Variants in MAP3K20 observed in about 807,000 individuals in gnomAD.
MAP3K20 encodes the protein mitogen-activated protein kinase kinase kinase 20.
A neutral mutation model predicts 85.7 loss-of-function variants in MAP3K20; 40 were observed. The observed-to-expected ratio is 0.47, with a 90% CI of 0.36 to 0.61. The LOEUF (loss-of-function observed/expected upper bound fraction) is 0.61. MAP3K20 is among the 20% of genes least tolerant of loss of function. MAP3K20 has a pLI of 0.00. For missense variants in MAP3K20, 817 were observed against 961.7 expected, an observed-to-expected ratio of 0.85 and a Z score of 1.99; for synonymous variants, 325 against 327.7, an observed-to-expected ratio of 0.99 and a Z score of 0.09.
At position 173,221,557 on chromosome 2, in the gene MAP3K20, C is replaced by T. The variant is rs74417392; in HGVS notation, c.987+4307C>T. 311,302 of 1,470,356 alleles carry T rather than the reference C, an allele frequency of 0.21. 34,102 individuals are homozygous for T. Among genetic ancestry groups the T allele is most frequent in the South Asian group, 0.32 (22,427 of 70,280 alleles). 91.1% of individuals were successfully genotyped at this position (1,470,356 alleles called of 1,614,324 possible). On this transcript the variant is annotated intron_variant, in intron 11 of 19. Transcript: ENST00000375213. ...AGCAGAAAGCAAAGTAATAAAATCACAAATGTTTGGAAAACACAAAAGTAA... is the reference window on the plus strand; with the variant it reads ...AGCAGAAAGCAAAGTAATAAAATCATAAATGTTTGGAAAACACAAAAGTAA...
At chr2:173,234,733 G>A (rs956178934) in intron 14 of MAP3K20, among the ~76,000 whole-genome samples, 1 of 152,176 alleles carries the variant, frequency 6.6e-6, no homozygotes, top group East Asian at 1.9e-4. Flanking sequence ...TGCAGAACAC[G>A]GGTGATGAGT....
chr2:173,212,808 A>AT (rs1316940894), intron 10 of MAP3K20: 3 of 151,710 alleles, frequency 2.0e-5, no homozygotes, highest in Admixed American at 1.3e-4. Flanking sequence ...AAAAAAAAAA[A>AT]AAAAAAAAGA....
intron 2 of MAP3K20, among the ~76,000 whole-genome samples, chr2:173,155,704 G>T (rs1343168327): frequency 6.6e-6 from 1 of 152,204 alleles, no homozygotes; most frequent in Non-Finnish European, 1.5e-5. Context: ...GAGATTGGTA[G>T]CATGGGGACT....
chr2:173,239,028 G>A lies in MAP3K20; in HGVS notation c.1267-376G>A, dbSNP rs115079519. On this transcript the variant is annotated intron_variant, in intron 15 of 19. Coordinates refer to ENST00000375213, the MANE Select transcript of MAP3K20 (RefSeq NM_016653.3). Reference sequence around the variant, plus strand: ...CACATTTGCATCCTCCATCCACTGCGTAATCCGTCTTTGGGAATAGCTTGT... The same window carrying A: ...CACATTTGCATCCTCCATCCACTGCATAATCCGTCTTTGGGAATAGCTTGT... 2.1e-3 allele frequency among the ~76,000 whole-genome samples: 317 copies of A among 152,232 alleles called. 2 individuals carry two copies. Among genetic ancestry groups the A allele is most frequent in the African/African-American group, 7.2e-3 (300 of 41,534 alleles).
chr2:173,205,092 G>A (rs1379994347), intron 9 of MAP3K20, among the ~76,000 whole-genome samples: 2 of 130,492 alleles, frequency 1.5e-5, no homozygotes, highest in East Asian at 2.4e-4. Context: ...GACAGAGCGA[G>A]ACTCTGTCTC....
At chr2:173,171,053 A>G (rs756024009) in intron 3 of MAP3K20, among the ~76,000 whole-genome samples, 1 of 152,136 alleles carries the variant, frequency 6.6e-6, no homozygotes, top group Non-Finnish European at 1.5e-5. Flanking sequence ...TTTTATCCCC[A>G]ATTCACTGTC....
chr2:173,183,068 G>T (rs191736189), intron 4 of MAP3K20, 113 bp downstream of exon 4: 381 of 795,752 alleles, frequency 4.8e-4, no homozygotes, highest in Admixed American at 8.9e-4. Context: ...TCTTTTTCCA[G>T]ACCAAAAGTA....
At chr2:173,226,694 CTACAT>C (rs1439828209) in intron 11 of MAP3K20, 1 of 985,630 alleles carries the variant, frequency 1.0e-6, no homozygotes, top group African/African-American at 1.7e-5. Flanking sequence ...TTCCAAGCAC[CTACAT>C]TAATTATTTT....
In MAP3K20 at chr2:173,093,742, A is replaced by G. The variant is rs528079240; in HGVS notation, c.159+2552A>G. On this transcript the variant is annotated intron_variant, in intron 2 of 19. Transcript: ENST00000375213. ...ATAGCAGAGACTTGGAACCAACCCA[A>G]ATGTCCAACAATGATAGACTGGATT... Among the ~76,000 whole-genome samples the G allele has an allele frequency of 4.9e-3, 745 of 152,192 alleles. 5 individuals carry two copies. The highest frequency in any genetic ancestry group is 0.014 in the Middle Eastern group (4 of 294).
intron 2 of MAP3K20, among the ~76,000 whole-genome samples, chr2:173,152,117 C>G (rs1689325161): frequency 6.6e-6 from 1 of 152,144 alleles, no homozygotes; most frequent in Non-Finnish European, 1.5e-5. Flanking sequence ...TTTTCTTCAT[C>G]TCTGGGCTCA....
At chr2:173,180,712 C>A (rs774599881) in intron 3 of MAP3K20, among the ~76,000 whole-genome samples, 68 of 151,876 alleles carry the variant, frequency 4.5e-4, no homozygotes, top group Non-Finnish European at 7.8e-4. Flanking sequence ...AAAATTAGAG[C>A]CACACCTCAG....
At chr2:173,089,071 T>C (rs540988108) in intron 1 of MAP3K20, among the ~76,000 whole-genome samples, 1 of 152,332 alleles carries the variant, frequency 6.6e-6, no homozygotes, top group East Asian at 1.9e-4. Flanking sequence ...GCCAGCTGCA[T>C]GCTAAGATCT....
chr2:173,266,848 G>A lies in MAP3K20; in HGVS notation c.*98G>A, dbSNP rs181318325. 5.9e-6 allele frequency: 7 copies of A among 1,177,714 alleles called. No homozygotes were observed. Among genetic ancestry groups the A allele is most frequent in the African/African-American group, 3.1e-5 (2 of 64,170 alleles). The allele number at this position is 1,177,714 out of a possible 1,614,324, so 73.0% of individuals were successfully genotyped here. On this transcript the variant is annotated 3_prime_UTR_variant, in exon 20 of 20. Coordinates refer to ENST00000375213, the MANE Select transcript of MAP3K20 (RefSeq NM_016653.3). ...TATGATCCCTTCAGATTGAATTAAC[G>A]AAAAGACAACACTTCCAGTTTTTGG...
chr2:173,250,132 C>T (rs1219523228), intron 16 of MAP3K20, among the ~76,000 whole-genome samples: 1 of 152,222 alleles, frequency 6.6e-6, no homozygotes, highest in African/African-American at 2.4e-5. Context: ...CTAAAAATGA[C>T]TCATTTTCCT....
At chr2:173,254,491 A>C (rs1685115960) in intron 16 of MAP3K20, among the ~76,000 whole-genome samples, 1 of 151,882 alleles carries the variant, frequency 6.6e-6, no homozygotes, top group Non-Finnish European at 1.5e-5. Context: ...GGTCCCTGCC[A>C]CAGCCAAGGT....
intron 5 of MAP3K20, among the ~76,000 whole-genome samples, chr2:173,188,253 A>G (rs1419735152): frequency 1.3e-5 from 2 of 152,190 alleles, no homozygotes; most frequent in East Asian, 1.9e-4. Flanking sequence ...TTGCAGGATT[A>G]GACATTACCT....
rs545692291 is a variant in MAP3K20, at chr2:173,236,029, G to A, written c.1204-2344G>A. 7.6e-4 allele frequency among the ~76,000 whole-genome samples: 115 copies of A among 152,274 alleles called. 1 individual carries two copies. The highest frequency in any genetic ancestry group is 2.7e-3 in the African/African-American group (111 of 41,556). ...GCCTGTAATCCCAGCACTTTGGGAG[G>A]TCAAGGTGGGCAACTCACTTGAAAC... is the stretch of plus-strand genomic sequence containing the variant. On this transcript the variant is annotated intron_variant, in intron 14 of 19. Transcript: ENST00000375213.
At chr2:173,171,226 C>T (rs2106251838) in intron 3 of MAP3K20, among the ~76,000 whole-genome samples, 1 of 152,200 alleles carries the variant, frequency 6.6e-6, no homozygotes, top group South Asian at 2.1e-4. Flanking sequence ...TTTCTCTGAC[C>T]CATATACCAT....
chr2:173,226,861 T>C (rs1684403536), intron 11 of MAP3K20: 1 of 984,686 alleles, frequency 1.0e-6, no homozygotes, highest in Non-Finnish European at 1.2e-6. Context: ...CACTTTATTG[T>C]TTTTTTAACA....
Sources: allele counts gnomAD v4.1 joint callset (sites outside exome capture counted in the v4.1 genomes callset), GRCh38; gene constraint gnomAD v4.1.1; transcripts MANE v1.5; gene names NCBI Gene and HGNC (gene_info 2026-07-23, HGNC 2026-07-21).